EPHB1: variants seen among roughly 807,000 people sequenced by gnomAD.
EPHB1 encodes the protein EPH receptor B1.
In EPHB1, 30 loss-of-function variants were observed where a neutral mutation model predicts 94.4. That is an observed-to-expected ratio of 0.32 (90% CI 0.24 to 0.43). The LOEUF (loss-of-function observed/expected upper bound fraction) is 0.43. Among genes scored for constraint, EPHB1 ranks in the 20% least tolerant of loss-of-function variants. The pLI, the probability that EPHB1 is intolerant of heterozygous loss-of-function variation, is 1.00. For synonymous variants in EPHB1, 522 were observed against 489.1 expected (o/e 1.07, Z -0.89); for missense variants, 1,055 against 1,308.3 (o/e 0.81, Z 2.99).
At chr3:134,807,191 G>A (rs1010211940) in intron 1 of EPHB1, among the ~76,000 whole-genome samples, 5 of 152,168 alleles carry the variant, frequency 3.3e-5, no homozygotes, top group African/African-American at 4.8e-5. Flanking sequence ...CAGAGAGACC[G>A]AACTGCCAGC....
intron 2 of EPHB1, among the ~76,000 whole-genome samples, chr3:134,930,582 G>A (rs1166756589): frequency 6.6e-6 from 1 of 152,198 alleles, no homozygotes; most frequent in East Asian, 1.9e-4. Flanking sequence ...GGACCTCTAG[G>A]CAGTGGGGAG....
At chr3:135,194,464 G>A (rs1034804355) in intron 11 of EPHB1, among the ~76,000 whole-genome samples, 1 of 152,214 alleles carries the variant, frequency 6.6e-6, no homozygotes, top group African/African-American at 2.4e-5. Flanking sequence ...TGCCAGACAA[G>A]CGAGAAGCAG....
chr3:134,959,011 C>A (rs1295008476), intron 3 of EPHB1, among the ~76,000 whole-genome samples: 1 of 152,168 alleles, frequency 6.6e-6, no homozygotes, highest in Non-Finnish European at 1.5e-5. Flanking sequence ...AGCTACTGAT[C>A]ATGATTTGGC....
chr3:135,096,380 C>CCAT (rs1938761546), intron 3 of EPHB1, among the ~76,000 whole-genome samples: 1 of 152,202 alleles, frequency 6.6e-6, no homozygotes, highest in Non-Finnish European at 1.5e-5. Flanking sequence ...GGTCCTCAGA[C>CCAT]TAGAGCTATA....
intron 3 of EPHB1, among the ~76,000 whole-genome samples, chr3:135,030,022 C>G (rs1936375652): frequency 6.6e-6 from 1 of 151,062 alleles, no homozygotes; most frequent in Non-Finnish European, 1.5e-5. Context: ...GCATCGGCTC[C>G]TGAGGCTTCT....
chr3:135,199,641 C>T lies in EPHB1; in HGVS notation c.2131-1833C>T, dbSNP rs1035070551. Among the ~76,000 whole-genome samples, 3 of 152,194 alleles carry T rather than the reference C, an allele frequency of 2.0e-5. 1 individual carries two copies. Among genetic ancestry groups the T allele is most frequent in the African/African-American group, 7.2e-5 (3 of 41,454 alleles). On this transcript the variant is annotated intron_variant, in intron 11 of 15. Coordinates refer to ENST00000398015, the MANE Select transcript of EPHB1 (RefSeq NM_004441.5). ...ATATGTTTGGGGGCCCTTCTACTGG[C>T]AGACATCTTTAGGAGGGAGAAAGTC...
intron 1 of EPHB1, among the ~76,000 whole-genome samples, chr3:134,834,116 G>A (rs1171758022): frequency 6.6e-6 from 1 of 152,142 alleles, no homozygotes; most frequent in Non-Finnish European, 1.5e-5. Context: ...AGACTATCTA[G>A]GCAGGAGATG....
At chr3:134,853,027 A>G (rs943081463) in intron 1 of EPHB1, among the ~76,000 whole-genome samples, 2 of 152,270 alleles carry the variant, frequency 1.3e-5, no homozygotes, top group East Asian at 3.9e-4. Flanking sequence ...GTCACATCTG[A>G]AGAAGAGGAA....
intron 15 of EPHB1, among the ~76,000 whole-genome samples, chr3:135,258,559 C>G (rs907930683): frequency 6.6e-6 from 1 of 152,144 alleles, no homozygotes; most frequent in African/African-American, 2.4e-5. Context: ...CAAATGGAAA[C>G]TCAGGGGAAA....
rs1478156161 is a variant in EPHB1 at position 135,029,173 on chromosome 3, T to A, written c.805+77121T>A. Among the ~76,000 whole-genome samples the A allele has an allele frequency of 1.1e-3, 26 of 23,640 alleles. 10 individuals are homozygous for A. In the East Asian group the frequency reaches 0.22, roughly 202 times the overall value. 15.5% of individuals were successfully genotyped at this position (23,640 alleles called of 152,430 possible). On this transcript the variant is annotated intron_variant, in intron 3 of 15. Coordinates refer to ENST00000398015, the MANE Select transcript of EPHB1 (RefSeq NM_004441.5). ...CAGCACACTGATGGGTCTTGACTCTTGCCAATTTGCCAGTCTGTGTCTTTT... is the reference window on the plus strand; with the variant it reads ...CAGCACACTGATGGGTCTTGACTCTAGCCAATTTGCCAGTCTGTGTCTTTT...
chr3:135,225,062 C>G (rs1398919069), intron 12 of EPHB1, among the ~76,000 whole-genome samples: 1 of 152,156 alleles, frequency 6.6e-6, no homozygotes, highest in Non-Finnish European at 1.5e-5. Context: ...AGGGGGGAAG[C>G]AGACAAGCTC....
chr3:135,173,057 CG>C, intron 9 of EPHB1, among the ~76,000 whole-genome samples: 1 of 141,708 alleles, frequency 7.1e-6, no homozygotes, highest in African/African-American at 2.7e-5. Flanking sequence ...TTTTTTGAGA[CG>C]GAGTCTCGCT....
intron 1 of EPHB1, among the ~76,000 whole-genome samples, chr3:134,882,275 G>A (rs937837954): frequency 6.6e-6 from 1 of 152,048 alleles, no homozygotes; most frequent in African/African-American, 2.4e-5. Context: ...ATAACTAAAA[G>A]AAAAACTTGT....
intron 3 of EPHB1, among the ~76,000 whole-genome samples, chr3:135,057,135 A>T (rs1286296562): frequency 6.6e-6 from 1 of 152,188 alleles, no homozygotes; most frequent in Non-Finnish European, 1.5e-5. Flanking sequence ...GGGCTGGGGA[A>T]GGAGCCTGGG....
At chr3:135,018,289 G>T (rs971347382) in intron 3 of EPHB1, among the ~76,000 whole-genome samples, 3 of 152,060 alleles carry the variant, frequency 2.0e-5, no homozygotes, top group African/African-American at 7.2e-5. Flanking sequence ...AGGCCTTTTG[G>T]CTACTATGAT....
chr3:135,045,620 C>A (rs574589368), intron 3 of EPHB1, among the ~76,000 whole-genome samples: 26 of 152,270 alleles, frequency 1.7e-4, no homozygotes, highest in Admixed American at 2.6e-4. Flanking sequence ...CCAAAGCAGA[C>A]AACTGAAAGT....
chr3:134,945,852 C>T (rs1367163783), intron 2 of EPHB1, among the ~76,000 whole-genome samples: 1 of 152,184 alleles, frequency 6.6e-6, no homozygotes, highest in African/African-American at 2.4e-5. Context: ...CTAGAACCAG[C>T]ACAGGCTTTG....
intron 1 of EPHB1, among the ~76,000 whole-genome samples, chr3:134,865,318 T>C (rs750717856): frequency 1.3e-5 from 2 of 152,178 alleles, no homozygotes; most frequent in African/African-American, 4.8e-5. Flanking sequence ...AACCTGCATA[T>C]TGAAATACAC....
At chr3:135,047,812 A>G (rs1039629035) in intron 3 of EPHB1, among the ~76,000 whole-genome samples, 1 of 152,082 alleles carries the variant, frequency 6.6e-6, no homozygotes, top group African/African-American at 2.4e-5. Flanking sequence ...ATGTCTGGAG[A>G]CATTTTGGTT....
Sources: allele counts gnomAD v4.1 joint callset (sites outside exome capture counted in the v4.1 genomes callset), GRCh38; gene constraint gnomAD v4.1.1; transcripts MANE v1.5; gene names NCBI Gene and HGNC (gene_info 2026-07-23, HGNC 2026-07-21).